Variants in LYZL2 observed in about 807,000 individuals in gnomAD.
LYZL2 encodes the protein lysozyme like 2.
In LYZL2, 13 loss-of-function variants were observed where a neutral mutation model predicts 17.1. The ratio of observed to expected loss-of-function variants is 0.76; its 90% CI spans 0.49 to 1.21. LYZL2 has a LOEUF of 1.21. Among genes scored for constraint, LYZL2 ranks in the 50% most tolerant of loss-of-function variants. The pLI is 0.00. For synonymous variants in LYZL2, 63 were observed against 74.4 expected, an observed-to-expected ratio of 0.85 and a Z score of 0.79; for missense variants, 166 against 189.2, an observed-to-expected ratio of 0.88 and a Z score of 0.72.
At chr10:30,611,066 C>A (rs1838426023), downstream of LYZL2, among the ~76,000 whole-genome samples, 1 of 152,036 alleles carries the variant, frequency 6.6e-6, no homozygotes, top group Non-Finnish European at 1.5e-5. Context: ...CTGAGGATGG[C>A]CCTGAAGATG....
chr10:30,616,571 T>C (rs1838531146), intron 3 of LYZL2, among the ~76,000 whole-genome samples: 1 of 152,234 alleles, frequency 6.6e-6, no homozygotes, highest in Non-Finnish European at 1.5e-5. Context: ...TCTTGAGATA[T>C]AAATATTTAG....
Position 30,626,136 on chromosome 10 carries a change from C to G in LYZL2, c.267G>C (p.Lys89Asn). The G allele has an allele frequency of 6.2e-7, 1 of 1,614,254 alleles. No homozygotes were observed. The highest frequency in any genetic ancestry group is 8.5e-7 in the Non-Finnish European group (1 of 1,180,038). Residue 89 changes from lysine (K) to asparagine (N), a missense_variant, in exon 3 of 5, where the codon AAG becomes AAC. Lys to Asn is a moderately conservative substitution (Grantham distance 94). Coordinates refer to ENST00000647634, the MANE Select transcript of LYZL2 (RefSeq NM_183058.3). ...AGGCGACGTGGCAGTGGTTGTTCTCCTTCAGCTTTCCGCGTCTGCACCACG... is the reference window on the plus strand; with the variant it reads ...AGGCGACGTGGCAGTGGTTGTTCTCGTTCAGCTTTCCGCGTCTGCACCACG... ...SFAWCRRGKL[K>N]ENNHCHVACS...
Position 30,612,873 on chromosome 10 carries a change from G to A in LYZL2, c.326C>T (p.Ala109Val), listed in dbSNP as rs201008315. Residue 109 changes from alanine (A) to valine (V), a missense_variant, in exon 4 of 5, where the codon GCG (alanine) becomes GTG (valine). This residue lies in a region of LYZL2 where 134 missense variants were observed against 129.4 expected (regional missense o/e 1.04). Coordinates refer to ENST00000647634, the MANE Select transcript of LYZL2 (RefSeq NM_183058.3). Reference protein sequence around the residue: ...SALVTDDLTDAIICAKKIVKE... With the variant: ...SALVTDDLTDVIICAKKIVKE... ...AACAATTTTCTTGGCACAGATAATC[G>A]CATCTGTGAGGTCATCAGTGACCAA... The A allele has an allele frequency of 1.1e-5, 18 of 1,613,570 alleles. No individual in the cohort carries two copies. The highest frequency in any genetic ancestry group is 3.3e-5 in the Admixed American group (2 of 59,986).
At chr10:30,617,691 A>G (rs1273007028) in intron 3 of LYZL2, among the ~76,000 whole-genome samples, 1 of 148,804 alleles carries the variant, frequency 6.7e-6, no homozygotes, top group African/African-American at 2.5e-5. Context: ...AAAAAAAAAA[A>G]AAAAAAAGAA....
chr10:30,629,128 C>A (rs1369814903), intron 1 of LYZL2, among the ~76,000 whole-genome samples: 1 of 152,168 alleles, frequency 6.6e-6, no homozygotes, highest in African/African-American at 2.4e-5. Flanking sequence ...CATGGTGGCC[C>A]ACACCTGTAA....
At chr10:30,608,228 C>T (rs1838396916), downstream of LYZL2, among the ~76,000 whole-genome samples, 1 of 152,210 alleles carries the variant, frequency 6.6e-6, no homozygotes, top group African/African-American at 2.4e-5. Context: ...CAGGCATGAG[C>T]CACCATGCAT....
At chr10:30,608,044 G>C (rs1334094923), downstream of LYZL2, among the ~76,000 whole-genome samples, 1 of 152,166 alleles carries the variant, frequency 6.6e-6, no homozygotes, top group Admixed American at 6.5e-5. Flanking sequence ...CCAAGCTGAA[G>C]TGATCCTCCC....
chr10:30,615,614 A>C (rs147230312), intron 3 of LYZL2, among the ~76,000 whole-genome samples: 96 of 152,326 alleles, frequency 6.3e-4, no homozygotes, highest in Admixed American at 2.6e-3. Flanking sequence ...AATTGTAGTG[A>C]TCATTTCCCA....
At chr10:30,625,069 C>CA in intron 3 of LYZL2, among the ~76,000 whole-genome samples, 1 of 152,198 alleles carries the variant, frequency 6.6e-6, no homozygotes, top group East Asian at 1.9e-4. Flanking sequence ...TGAACTCTGC[C>CA]AAAACCCAAA....
At chr10:30,615,520 C>G (rs911476704) in intron 3 of LYZL2, among the ~76,000 whole-genome samples, 1 of 151,650 alleles carries the variant, frequency 6.6e-6, no homozygotes, top group African/African-American at 2.4e-5. Flanking sequence ...CTTAAGTGTT[C>G]TTCTCTCTCT....
At chr10:30,621,357 A>T (rs917182865) in intron 3 of LYZL2, among the ~76,000 whole-genome samples, 1 of 152,110 alleles carries the variant, frequency 6.6e-6, no homozygotes, top group Non-Finnish European at 1.5e-5. Flanking sequence ...AGGTGAGAGG[A>T]TTGCCTGAGC....
chr10:30,625,375 C>T (rs1164618397), intron 3 of LYZL2, among the ~76,000 whole-genome samples: 2 of 152,160 alleles, frequency 1.3e-5, no homozygotes, highest in Non-Finnish European at 2.9e-5. Flanking sequence ...AGGATAATCT[C>T]TCTTGCTCAG....
At chr10:30,615,933 G>C (rs1162604339) in intron 3 of LYZL2, among the ~76,000 whole-genome samples, 1 of 151,930 alleles carries the variant, frequency 6.6e-6, no homozygotes, top group African/African-American at 2.4e-5. Flanking sequence ...AAGAAAGATT[G>C]GCTCTTAACT....
downstream of LYZL2, among the ~76,000 whole-genome samples, chr10:30,611,108 C>T (rs1789553804): frequency 2.0e-5 from 3 of 152,034 alleles, no homozygotes; most frequent in African/African-American, 2.4e-5. Flanking sequence ...AGTCTTATTT[C>T]GAATGGCCAC....
At chr10:30,613,018 A>AT (rs1838469619) in intron 3 of LYZL2, 118 bp from the exon 4 acceptor site, 15 of 711,812 alleles carry the variant, frequency 2.1e-5, no homozygotes, top group Non-Finnish European at 3.4e-5. Context: ...AAGAACTATA[A>AT]TTTTCCCTGC....
At chr10:30,628,360 C>T (rs923574923) in intron 1 of LYZL2, among the ~76,000 whole-genome samples, 3 of 152,150 alleles carry the variant, frequency 2.0e-5, no homozygotes, top group African/African-American at 7.2e-5. Flanking sequence ...AGTCTGGCAC[C>T]TGACTGGGGA....
intron 3 of LYZL2, among the ~76,000 whole-genome samples, chr10:30,618,138 AAGG>A (rs1025355376): frequency 5.9e-5 from 9 of 152,134 alleles, no homozygotes; most frequent in Non-Finnish European, 1.0e-4. Context: ...GGACCTCTTC[AAGG>A]AGAACTACAA....
chr10:30,624,459 C>T (rs1236781599), intron 3 of LYZL2, among the ~76,000 whole-genome samples: 1 of 152,194 alleles, frequency 6.6e-6, no homozygotes, highest in Non-Finnish European at 1.5e-5. Flanking sequence ...CTTTCCATTC[C>T]TCTTTGGGCA....
chr10:30,607,490 C>A (rs1838390741), downstream of LYZL2, among the ~76,000 whole-genome samples: 1 of 152,158 alleles, frequency 6.6e-6, no homozygotes, highest in African/African-American at 2.4e-5. Context: ...TTCCTCTTCT[C>A]TTTCTGTTAC....
Sources: allele counts gnomAD v4.1 joint callset (sites outside exome capture counted in the v4.1 genomes callset), GRCh38; gene constraint gnomAD v4.1.1; regional missense constraint gnomAD v4.1.1; transcripts MANE v1.5; gene names NCBI Gene and HGNC (gene_info 2026-07-23, HGNC 2026-07-21).